The following KIF26B variants were observed in gnomAD, a reference collection of about 807,000 sequenced individuals.
KIF26B encodes the protein kinesin-like protein KIF26B.
In KIF26B, 63 loss-of-function variants were observed where a neutral mutation model predicts 151.2. That is an observed-to-expected ratio of 0.42 (90% confidence interval 0.34 to 0.51). KIF26B has a LOEUF of 0.51. Ranked by LOEUF, KIF26B falls within the 20% of genes least tolerant of loss-of-function variation. The probability of loss-of-function intolerance (pLI) is 0.07; values close to 1 mark genes in which losing one functional copy is unlikely to be tolerated. For missense variants in KIF26B, 2,813 were observed against 2,913.6 expected (o/e 0.97, Z 0.79); for synonymous variants, 1,357 against 1,262.1 (o/e 1.08, Z -1.59).
At chr1:245,306,715 G>A (rs1179143247) in intron 2 of KIF26B, among the ~76,000 whole-genome samples, 1 of 151,978 alleles carries the variant, frequency 6.6e-6, no homozygotes, top group East Asian at 1.9e-4. Context: ...TCGTCAAACT[G>A]GATATGTTTT....
chr1:245,583,304 A>T (rs1047596868), intron 5 of KIF26B, among the ~76,000 whole-genome samples: 2 of 152,124 alleles, frequency 1.3e-5, no homozygotes. Context: ...GGGCTTGTGG[A>T]GATGAGTAAC....
At chr1:245,691,855 GT>G (rs912644628) in intron 12 of KIF26B, among the ~76,000 whole-genome samples, 8 of 152,124 alleles carry the variant, frequency 5.3e-5, no homozygotes, top group African/African-American at 1.9e-4. Flanking sequence ...ATTCTTGGAG[GT>G]CCATGTTGCT....
In KIF26B at chr1:245,516,904, C is replaced by T. The variant is rs1366974623; in HGVS notation, c.1167-23863C>T. Among the ~76,000 whole-genome samples, 4 of 152,146 alleles carry T rather than the reference C, an allele frequency of 2.6e-5. No homozygotes were observed. Among genetic ancestry groups the T allele is most frequent in the East Asian group, 3.8e-4 (2 of 5,198 alleles). On this transcript the variant is annotated intron_variant, in intron 4 of 14. Transcript: ENST00000407071. The surrounding 1 kb of genome is among the most constrained non-coding windows in gnomAD (Gnocchi z 4.2). ...GCGGAGTTTGGGGGTGGGGAGGGGG[C>T]GCTGGGCTGATTGCCCTGGCTGCTC...
At chr1:245,409,754 T>G (rs975423348) in intron 3 of KIF26B, among the ~76,000 whole-genome samples, 2 of 152,120 alleles carry the variant, frequency 1.3e-5, no homozygotes, top group African/African-American at 4.8e-5. Context: ...GAGGAGTTTA[T>G]CTGTCTGACT....
At chr1:245,648,988 C>T (rs1335505130) in intron 10 of KIF26B, among the ~76,000 whole-genome samples, 1 of 152,206 alleles carries the variant, frequency 6.6e-6, no homozygotes, top group Non-Finnish European at 1.5e-5. Context: ...CACAACTCAT[C>T]GAGACCTTGC....
chr1:245,463,560 C>G (rs1659700719), intron 4 of KIF26B, among the ~76,000 whole-genome samples: 1 of 152,136 alleles, frequency 6.6e-6, no homozygotes, highest in African/African-American at 2.4e-5. Flanking sequence ...TTGGGAAGTG[C>G]AGAGGTCAGC....
At chr1:245,377,061 C>T (rs757055052) in intron 3 of KIF26B, among the ~76,000 whole-genome samples, 5 of 152,014 alleles carry the variant, frequency 3.3e-5, no homozygotes, top group Non-Finnish European at 4.4e-5. Context: ...ATTACAGGCA[C>T]GCATCACCAC....
At chr1:245,526,910 G>C (rs1026485354) in intron 4 of KIF26B, among the ~76,000 whole-genome samples, 1 of 152,144 alleles carries the variant, frequency 6.6e-6, no homozygotes, top group Non-Finnish European at 1.5e-5. Context: ...TCAAAATAAA[G>C]ACATTAAAAG....
chr1:245,433,353 G>A (rs1309049050), intron 4 of KIF26B, among the ~76,000 whole-genome samples: 3 of 151,770 alleles, frequency 2.0e-5, no homozygotes, highest in Non-Finnish European at 4.4e-5. Context: ...TGTAGCCCCA[G>A]CTACTTGGAA....
intron 14 of KIF26B, among the ~76,000 whole-genome samples, chr1:245,700,379 T>C (rs2044753699): frequency 6.6e-6 from 1 of 152,082 alleles, no homozygotes; most frequent in African/African-American, 2.4e-5. Context: ...ATTACTATTA[T>C]CCCAAAGTTC....
At chr1:245,675,334 T>C (rs1264119248) in intron 10 of KIF26B, among the ~76,000 whole-genome samples, 2 of 152,294 alleles carry the variant, frequency 1.3e-5, no homozygotes, top group East Asian at 1.9e-4. Flanking sequence ...GGACTGGTAC[T>C]GTGTGACCCC....
intron 4 of KIF26B, among the ~76,000 whole-genome samples, chr1:245,504,085 G>A (rs1214252672): frequency 6.6e-6 from 1 of 152,146 alleles, no homozygotes; most frequent in Non-Finnish European, 1.5e-5. Flanking sequence ...TATCTTCTCT[G>A]CACACTTCTG....
intron 3 of KIF26B, among the ~76,000 whole-genome samples, chr1:245,405,453 C>G (rs1288207113): frequency 1.3e-5 from 2 of 152,076 alleles, no homozygotes; most frequent in Non-Finnish European, 2.9e-5. Flanking sequence ...TATGGCAAAT[C>G]TGTGATTTTG....
chr1:245,677,995 T>C (rs1245232320), intron 10 of KIF26B, among the ~76,000 whole-genome samples: 1 of 152,164 alleles, frequency 6.6e-6, no homozygotes, highest in Non-Finnish European at 1.5e-5. Flanking sequence ...GCCAGGAGCA[T>C]TGGGCCAGGG....
At chr1:245,681,270 C>T (rs577610603) in intron 10 of KIF26B, among the ~76,000 whole-genome samples, 5 of 150,938 alleles carry the variant, frequency 3.3e-5, no homozygotes, top group South Asian at 4.2e-4. Context: ...AGTGCAGTGG[C>T]GCGATCACGG....
intron 2 of KIF26B, among the ~76,000 whole-genome samples, chr1:245,297,354 AAG>A (rs1385011802): frequency 6.6e-6 from 1 of 152,210 alleles, no homozygotes; most frequent in Non-Finnish European, 1.5e-5. Flanking sequence ...AAAAATAAAA[AAG>A]AGCAATTTTT....
At chr1:245,689,193 G>C (rs577962816) in intron 12 of KIF26B, among the ~76,000 whole-genome samples, 8 of 152,232 alleles carry the variant, frequency 5.3e-5, no homozygotes, top group Non-Finnish European at 1.0e-4. Flanking sequence ...TCGCTCTGGG[G>C]GCAGCCTGGC....
At position 245,158,005 on chromosome 1, in the gene KIF26B, G is replaced by A. The variant is rs556421112; in HGVS notation, c.465+1322G>A. Among the ~76,000 whole-genome samples the A allele has an allele frequency of 4.6e-5, 7 of 152,312 alleles. No homozygotes were observed. In the South Asian group the frequency reaches 1.5e-3, roughly 32 times the overall value. ...ACGTGGAGCTTAGATTCTAGTGGAG[G>A]ATACAGATAACAACCACAAAATGCA... On this transcript the variant is annotated intron_variant, in intron 2 of 14. Transcript: ENST00000407071.
Position 245,176,805 on chromosome 1 carries a change from G to A in KIF26B, c.465+20122G>A, listed in dbSNP as rs186873854. Among the ~76,000 whole-genome samples the A allele has an allele frequency of 1.6e-4, 24 of 152,292 alleles. No homozygotes were observed. The East Asian group carries it at 4.0e-3, about 26-fold the overall frequency. ...ACTTTTAACGGTCATGTTTACTTTTGAATATAACCTGGGATGAAGCATTTA... is the reference window on the plus strand; with the variant it reads ...ACTTTTAACGGTCATGTTTACTTTTAAATATAACCTGGGATGAAGCATTTA... On this transcript the variant is annotated intron_variant, in intron 2 of 14. Coordinates refer to ENST00000407071, the MANE Select transcript of KIF26B (RefSeq NM_018012.4).
Sources: allele counts gnomAD v4.1 joint callset (sites outside exome capture counted in the v4.1 genomes callset), GRCh38; gene constraint gnomAD v4.1.1; non-coding constraint Gnocchi (gnomAD v3.1); transcripts MANE v1.5; gene names NCBI Gene and HGNC (gene_info 2026-07-23, HGNC 2026-07-21).